MAST4: variants seen among roughly 807,000 people sequenced by gnomAD.
The protein encoded by MAST4 is microtubule-associated serine/threonine-protein kinase 4.
Under a neutral mutation model 162.7 loss-of-function variants are expected in MAST4, and 89 were observed. The observed-to-expected ratio is 0.55, with a 90% CI of 0.46 to 0.65. MAST4 has a LOEUF of 0.65. Among genes scored for constraint, MAST4 ranks in the 30% least tolerant of loss-of-function variants. The pLI, the probability that MAST4 is intolerant of heterozygous loss-of-function variation, is 0.00. For missense variants in MAST4, 3,153 were observed against 3,374.0 expected (o/e 0.93, Z 1.62); for synonymous variants, 1,479 against 1,361.1 (o/e 1.09, Z -1.91).
chr5:66,868,958 A>T (rs1042742484), intron 3 of MAST4, among the ~76,000 whole-genome samples: 1 of 152,188 alleles, frequency 6.6e-6, no homozygotes, highest in East Asian at 1.9e-4. Flanking sequence ...TAACATTTTC[A>T]CCTTGGAGTC....
intron 3 of MAST4, among the ~76,000 whole-genome samples, chr5:66,842,111 G>A (rs964521238): frequency 1.3e-5 from 2 of 152,096 alleles, no homozygotes; most frequent in African/African-American, 4.8e-5. Flanking sequence ...TTGCTTCTGT[G>A]GGCTTTAAAA....
At chr5:67,114,540 C>A in intron 12 of MAST4, 1 of 256,928 alleles carries the variant, frequency 3.9e-6, no homozygotes, top group Non-Finnish European at 7.3e-6. Context: ...TTGCAGAGCT[C>A]AGTTGGGCTC....
chr5:66,880,213 G>A (rs1457254854), intron 3 of MAST4, among the ~76,000 whole-genome samples: 1 of 152,058 alleles, frequency 6.6e-6, no homozygotes, highest in Non-Finnish European at 1.5e-5. Flanking sequence ...AAAGTAGGAG[G>A]GGAATAAGAG....
At chr5:67,087,399 C>T (rs1325240100) in intron 5 of MAST4, among the ~76,000 whole-genome samples, 2 of 152,214 alleles carry the variant, frequency 1.3e-5, no homozygotes, top group Non-Finnish European at 2.9e-5. Flanking sequence ...AGCTTAGAAC[C>T]TCCAGCATCT....
At chr5:66,695,025 A>G (rs1234183466) in intron 1 of MAST4, among the ~76,000 whole-genome samples, 1 of 152,100 alleles carries the variant, frequency 6.6e-6, no homozygotes, top group Non-Finnish European at 1.5e-5. Flanking sequence ...TAGTTTAATT[A>G]GGTCCCTTTT....
At chr5:66,651,135 G>A (rs898474223) in intron 1 of MAST4, among the ~76,000 whole-genome samples, 16 of 152,030 alleles carry the variant, frequency 1.1e-4, no homozygotes, top group African/African-American at 3.9e-4. Flanking sequence ...ACTGCTGTGG[G>A]AGTACCCATG....
chr5:66,754,977 A>G (rs1753438110), intron 1 of MAST4, among the ~76,000 whole-genome samples: 1 of 152,202 alleles, frequency 6.6e-6, no homozygotes. Context: ...AGGTCTGGCA[A>G]GAGACCAAGG....
At chr5:67,106,966 GTTGC>G (rs1427358732) in intron 10 of MAST4, among the ~76,000 whole-genome samples, 1 of 152,202 alleles carries the variant, frequency 6.6e-6, no homozygotes, top group African/African-American at 2.4e-5. Context: ...TAATTCTGCT[GTTGC>G]TTTAATCAAA....
chr5:66,884,977 A>C lies in MAST4; in HGVS notation c.643-14974A>C, dbSNP rs530848574. 2.0e-5 allele frequency among the ~76,000 whole-genome samples: 3 copies of C among 152,300 alleles called. No individual in the cohort carries two copies. In the South Asian group the frequency reaches 6.2e-4, roughly 32 times the overall value. On this transcript the variant is annotated intron_variant, in intron 3 of 28. Transcript: ENST00000403625. ...GCTGAATCTTGCCCCTCCTTCCCCT[A>C]GCAGTAAGCCCTGCACAGTCCTGCT...
intron 1 of MAST4, among the ~76,000 whole-genome samples, chr5:66,669,423 G>A (rs1225975201): frequency 6.6e-6 from 1 of 152,186 alleles, no homozygotes; most frequent in Admixed American, 6.5e-5. Context: ...CACTGCATGG[G>A]TAAAACACAT....
intron 4 of MAST4, among the ~76,000 whole-genome samples, chr5:67,007,653 G>A (rs571163770): frequency 4.6e-5 from 7 of 152,320 alleles, no homozygotes; most frequent in Admixed American, 3.9e-4. Context: ...AGGATAGAAT[G>A]TTTGTCACAC....
intron 1 of MAST4, among the ~76,000 whole-genome samples, chr5:66,709,740 G>A (rs4418056): frequency 0.37 from 56,176 of 151,912 alleles, 10,458 homozygotes; most frequent in Non-Finnish European, 0.39. Flanking sequence ...TACTTATTTT[G>A]GTCAAATATT....
chr5:66,668,091 A>G (rs1406228691), intron 1 of MAST4, among the ~76,000 whole-genome samples: 1 of 152,242 alleles, frequency 6.6e-6, no homozygotes, highest in Non-Finnish European at 1.5e-5. Flanking sequence ...CTCAGAGTAC[A>G]ATCAAAGCTG....
At chr5:66,914,041 T>A (rs1763945708) in intron 4 of MAST4, among the ~76,000 whole-genome samples, 1 of 152,220 alleles carries the variant, frequency 6.6e-6, no homozygotes, top group African/African-American at 2.4e-5. Context: ...TAAGTCTTGA[T>A]CTCAGAAGCA....
At chr5:66,748,635 G>A (rs747213571) in intron 1 of MAST4, among the ~76,000 whole-genome samples, 6 of 151,344 alleles carry the variant, frequency 4.0e-5, no homozygotes, top group African/African-American at 1.2e-4. Flanking sequence ...GACTACAGGC[G>A]TGCGCAACCA....
chr5:66,894,231 A>G (rs375208053), intron 3 of MAST4, among the ~76,000 whole-genome samples: 6 of 152,312 alleles, frequency 3.9e-5, no homozygotes, highest in African/African-American at 1.4e-4. Flanking sequence ...ACCTCTAATA[A>G]ACAACATACA....
chr5:67,040,412 G>A (rs902937246), intron 4 of MAST4, among the ~76,000 whole-genome samples: 4 of 152,164 alleles, frequency 2.6e-5, no homozygotes, highest in African/African-American at 7.2e-5. Context: ...ATCTACCTAT[G>A]GATCTTTGAG....
chr5:66,680,743 C>T (rs1748276170), intron 1 of MAST4, among the ~76,000 whole-genome samples: 1 of 152,082 alleles, frequency 6.6e-6, no homozygotes, highest in Admixed American at 6.5e-5. Flanking sequence ...TGTCACCCCC[C>T]AAAAAAGGCA....
At chr5:66,973,521 T>G (rs779105742) in intron 4 of MAST4, among the ~76,000 whole-genome samples, 20 of 152,188 alleles carry the variant, frequency 1.3e-4, no homozygotes, top group Admixed American at 1.3e-4. Context: ...GTCCTCCTCA[T>G]AGCATCACAC....
Sources: gnomAD v4.1 joint callset for allele counts (sites outside exome capture counted in the v4.1 genomes callset) on GRCh38, gnomAD v4.1.1 for gene constraint, MANE v1.5 for transcripts, NCBI Gene and HGNC (gene_info 2026-07-23, HGNC 2026-07-21) for gene names.